Variants in HHLA2 observed in about 807,000 individuals in gnomAD.
HHLA2 encodes HHLA2 member of B7 family, also known as HERV-H LTR-associating protein 2.
In HHLA2, 48 loss-of-function variants were observed where a neutral mutation model predicts 45.9. The ratio of observed to expected loss-of-function variants is 1.05; its 90% CI spans 0.83 to 1.33. The LOEUF is 1.33. HHLA2 is among the 40% of genes most tolerant of loss of function. The pLI is 0.00. For synonymous variants in HHLA2, 161 were observed against 173.9 expected, an observed-to-expected ratio of 0.93 and a Z score of 0.59; for missense variants, 462 against 494.3, an observed-to-expected ratio of 0.93 and a Z score of 0.62.
chr3:108,320,951 A>T (rs923250241), intron 2 of HHLA2, among the ~76,000 whole-genome samples: 1 of 152,134 alleles, frequency 6.6e-6, no homozygotes, highest in African/African-American at 2.4e-5. Flanking sequence ...ATAACAGAAC[A>T]CTTTGGCAGA....
In HHLA2 at chr3:108,355,304, G is replaced by A. The variant is rs1372731723; in HGVS notation, c.608G>A (p.Gly203Glu). ...ATTAACAGCCCACTGAATATTACAG[G>A]ATCAAATTCATCTTATGAATGTACA... The change falls in exon 6 of 11, where the codon GGA (glycine) becomes GAA (glutamate). Residue 203 changes from glycine (G) to glutamate (E), a missense_variant. By Grantham distance (98) the Gly-to-Glu change is moderately conservative. Coordinates refer to ENST00000619531, the Ensembl canonical transcript of HHLA2. The A allele has an allele frequency of 2.5e-6, 4 of 1,613,792 alleles. No individual in the cohort carries two copies. Among genetic ancestry groups the A allele is most frequent in the East Asian group, 2.2e-5 (1 of 44,880 alleles).
At chr3:108,373,880 T>C (rs1268672213) in intron 8 of HHLA2, among the ~76,000 whole-genome samples, 17 of 151,148 alleles carry the variant, frequency 1.1e-4, no homozygotes, top group Non-Finnish European at 1.5e-4. Flanking sequence ...GAAGAATCAA[T>C]ATCGTGAAAA....
intron 2 of HHLA2, among the ~76,000 whole-genome samples, chr3:108,323,244 T>C (rs2081235149): frequency 6.6e-6 from 1 of 152,146 alleles, no homozygotes; most frequent in South Asian, 2.1e-4. Context: ...ATAACTTAAT[T>C]GTACAATTTT....
chr3:108,330,128 A>G (rs1309046979), intron 3 of HHLA2, among the ~76,000 whole-genome samples: 1 of 152,214 alleles, frequency 6.6e-6, no homozygotes, highest in Non-Finnish European at 1.5e-5. Flanking sequence ...GTGAGTGATC[A>G]GAGAGTGAAA....
chr3:108,363,232 C>T (rs530818240), intron 8 of HHLA2, among the ~76,000 whole-genome samples: 1 of 152,266 alleles, frequency 6.6e-6, no homozygotes, highest in Admixed American at 6.5e-5. Context: ...TTGATCTCCA[C>T]ATTTTACAGA....
At chr3:108,355,231 A>G (rs1183059731) in exon 6 of HHLA2, 2 of 1,613,932 alleles carry the variant, frequency 1.2e-6, no homozygotes, top group South Asian at 1.1e-5. Flanking sequence ...CAACACACCT[A>G]TCTCTGAAAA....
chr3:108,374,036 A>G (rs1473157988), intron 8 of HHLA2, among the ~76,000 whole-genome samples: 2 of 150,818 alleles, frequency 1.3e-5, no homozygotes, highest in South Asian at 2.1e-4. Flanking sequence ...TCCTAAGCCA[A>G]AAGAACAAAG....
chr3:108,321,091 T>TAAAAAA (rs67374827), intron 2 of HHLA2, among the ~76,000 whole-genome samples: 2,725 of 101,308 alleles, frequency 0.027, 162 homozygotes, highest in African/African-American at 0.045. Flanking sequence ...TCCAGGTGTT[T>TAAAAAA]AAAAAAAAAA....
intron 3 of HHLA2, among the ~76,000 whole-genome samples, chr3:108,339,310 C>T (rs1235614616): frequency 6.6e-6 from 1 of 152,148 alleles, no homozygotes; most frequent in Non-Finnish European, 1.5e-5. Context: ...ATAGTTTGTT[C>T]TCAGGGGAAT....
rs182169717 is a variant in HHLA2, at chr3:108,333,691, T to A, written c.-27+5344T>A. ...AAAAAAACTTTTTAAGAGGAAATTT[T>A]AGAAATTCAGATCTCGCTGAAATCA... is the stretch of plus-strand genomic sequence containing the variant. On this transcript the variant is annotated intron_variant, in intron 3 of 10. Transcript: ENST00000619531. 3.9e-5 allele frequency among the ~76,000 whole-genome samples: 6 copies of A among 152,154 alleles called. No individual in the cohort carries two copies. In the East Asian group the frequency reaches 9.7e-4, roughly 25 times the overall value.
chr3:108,330,594 C>T (rs2081369242), intron 3 of HHLA2, among the ~76,000 whole-genome samples: 1 of 152,110 alleles, frequency 6.6e-6, no homozygotes, highest in Non-Finnish European at 1.5e-5. Flanking sequence ...CCCCTGATGG[C>T]CTTGAAGAAA....
intron 1 of HHLA2, among the ~76,000 whole-genome samples, chr3:108,305,629 C>A (rs914991042): frequency 2.0e-5 from 3 of 152,046 alleles, no homozygotes; most frequent in Non-Finnish European, 2.9e-5. Context: ...TCAGGAGGAA[C>A]CAGACACTCC....
exon 10 of HHLA2, chr3:108,376,516 G>A (rs1248398651): frequency 9.9e-6 from 16 of 1,611,800 alleles, no homozygotes; most frequent in South Asian, 3.3e-5. Flanking sequence ...CCCTCCTGGT[G>A]AGCGCTGTCC....
At chr3:108,344,697 T>C (rs2081632007) in intron 3 of HHLA2, among the ~76,000 whole-genome samples, 1 of 152,196 alleles carries the variant, frequency 6.6e-6, no homozygotes, top group African/African-American at 2.4e-5. Flanking sequence ...CTTTATTTAA[T>C]GGAGTTTTGT....
intron 3 of HHLA2, among the ~76,000 whole-genome samples, chr3:108,337,345 A>G (rs190250988): frequency 1.3e-5 from 2 of 152,264 alleles, no homozygotes; most frequent in East Asian, 3.9e-4. Context: ...TTTGAGAAAC[A>G]CTGATCTTAA....
At chr3:108,334,957 T>C (rs2081446255) in intron 3 of HHLA2, among the ~76,000 whole-genome samples, 1 of 152,200 alleles carries the variant, frequency 6.6e-6, no homozygotes, top group Non-Finnish European at 1.5e-5. Flanking sequence ...TGCTGTTCCA[T>C]ATGTTGTCCC....
At chr3:108,355,186 G>T (rs750681573) in exon 6 of HHLA2, 8 of 1,613,714 alleles carry the variant, frequency 5.0e-6, no homozygotes, top group East Asian at 2.2e-5. Context: ...CGTGTTAAGT[G>T]TTTATCCTCG....
At chr3:108,317,309 T>G (rs2081118990) in intron 2 of HHLA2, among the ~76,000 whole-genome samples, 1 of 152,200 alleles carries the variant, frequency 6.6e-6, no homozygotes, top group South Asian at 2.1e-4. Context: ...TTTTTTAAAG[T>G]ATAGACACAT....
In HHLA2 at chr3:108,355,212, G is replaced by A. The variant is rs1272904239; in HGVS notation, c.516G>A (p.Trp172Ter). The A allele has an allele frequency of 2.5e-6, 4 of 1,613,808 alleles. No homozygotes were observed. The highest frequency in any genetic ancestry group is 4.5e-5 in the East Asian group (2 of 44,852). ...TTTATCCTCGTCCAATTATCACGTG[G>A]AAAATGGACAACACACCTATCTCTG... Residue 172 changes from tryptophan to a stop codon, truncating the protein, a stop_gained, in exon 6 of 11, where the codon TGG becomes TGA. Transcript: ENST00000619531. LOFTEE classifies it high-confidence loss of function.
Sources: gnomAD v4.1 joint callset for allele counts (sites outside exome capture counted in the v4.1 genomes callset) on GRCh38, gnomAD v4.1.1 for gene constraint, MANE v1.5 for transcripts, NCBI Gene and HGNC (gene_info 2026-07-23, HGNC 2026-07-21) for gene names.